PRPF19: variants seen among roughly 807,000 people sequenced by gnomAD.
PRPF19 encodes pre-mRNA processing factor 19, also known as pre-mRNA-processing factor 19.
In PRPF19, 2 loss-of-function variants were observed where a neutral mutation model predicts 64.2. The observed-to-expected ratio is 0.03, with a 90% CI of 0.01 to 0.10. PRPF19 has a LOEUF of 0.10. Among genes scored for constraint, PRPF19 ranks in the 10% least tolerant of loss-of-function variants. The pLI, the probability that PRPF19 is intolerant of heterozygous loss-of-function variation, is 1.00. For synonymous variants in PRPF19, 226 were observed against 251.6 expected (o/e 0.90, Z 0.96); for missense variants, 314 against 650.0 (o/e 0.48, Z 5.62).
At position 60,898,126 on chromosome 11, in the gene PRPF19, G is replaced by C; in HGVS notation, c.1286C>G (p.Thr429Ser). ...CTCAAAGTTGTTATCCAGCTGCAAA[G>C]TCTTAAAGTTCTTAAGCTTGCGCAG... ...WDLRKLKNFK[T>S]LQLDNNFEVK... The change falls in exon 14 of 16, where the codon ACT becomes AGT. Residue 429 changes from threonine to serine, a missense_variant. Thr to Ser is a moderately conservative substitution (Grantham distance 58). Coordinates refer to ENST00000227524, the MANE Select transcript of PRPF19 (RefSeq NM_014502.5). The surrounding 1 kb of genome is among the most constrained non-coding windows in gnomAD (Gnocchi z 4.6). 2 of 1,614,200 alleles carry C rather than the reference G, an allele frequency of 1.2e-6. No individual in the cohort carries two copies. The highest frequency in any genetic ancestry group is 1.7e-6 in the Non-Finnish European group (2 of 1,180,030).
intron 1 of PRPF19, 66 bp from the exon 2 acceptor site, chr11:60,903,927 C>T: frequency 6.4e-7 from 1 of 1,562,128 alleles, no homozygotes; most frequent in Non-Finnish European, 8.6e-7. Flanking sequence ...GATTCCTCAT[C>T]TGCTATTAGC....
intron 8 of PRPF19, 27 bp downstream of exon 8, chr11:60,901,268 C>T: frequency 6.2e-7 from 1 of 1,612,890 alleles, no homozygotes; most frequent in Non-Finnish European, 8.5e-7. Flanking sequence ...GGGCTGTCTC[C>T]AAGACAGTGG....
chr11:60,902,260 A>C lies in PRPF19; in HGVS notation c.525+143T>G. 7.7e-6 allele frequency: 7 copies of C among 914,824 alleles called. No individual in the cohort carries two copies. The highest frequency in any genetic ancestry group is 1.7e-5 in the African/African-American group (1 of 60,090). 56.7% of individuals were successfully genotyped at this position (914,824 alleles called of 1,614,324 possible). On this transcript the variant is annotated intron_variant, in intron 6 of 15. Coordinates refer to ENST00000227524, the MANE Select transcript of PRPF19 (RefSeq NM_014502.5). The surrounding 1 kb of genome is among the most constrained non-coding windows in gnomAD (Gnocchi z 5.0). ...TTACAAGTAGTGGCATCAAAATACAAACCCAGGCAATCTGGTCCCAGGGTC... is the reference window on the plus strand; with the variant it reads ...TTACAAGTAGTGGCATCAAAATACACACCCAGGCAATCTGGTCCCAGGGTC...
chr11:60,892,462 G>A (rs754858333), intron 15 of PRPF19, among the ~76,000 whole-genome samples: 5 of 152,118 alleles, frequency 3.3e-5, no homozygotes, highest in African/African-American at 4.8e-5. Context: ...GACGGTCCCC[G>A]ATTTACCATG....
At chr11:60,895,937 C>A (rs4939473) in intron 15 of PRPF19, among the ~76,000 whole-genome samples, 4 of 152,046 alleles carry the variant, frequency 2.6e-5, no homozygotes, top group South Asian at 2.1e-4. Context: ...TCATGGTGCC[C>A]CCCCGCCCAA....
rs764428172 is a variant in PRPF19 at position 60,900,672 on chromosome 11, G to A, written c.738C>T (p.Val246=). 1.4e-5 allele frequency: 22 copies of A among 1,559,294 alleles called. No homozygotes were observed. The African/African-American group carries it at 2.0e-4, about 14-fold the overall frequency. Residue 246 remains valine, a synonymous_variant, in exon 10 of 16, where the codon GTC becomes GTT. Coordinates refer to ENST00000227524, the MANE Select transcript of PRPF19 (RefSeq NM_014502.5). ...KILTGGADKN[V]VVFDKSSEQI... is the part of the protein sequence containing the mutation. Reference sequence around the variant, plus strand: ...GTTCAGAACTTTTGTCAAACACAACGACATTTTTATCCGCCCCACCTGGAG... The same window carrying A: ...GTTCAGAACTTTTGTCAAACACAACAACATTTTTATCCGCCCCACCTGGAG...
At chr11:60,897,255 T>C (rs1855932054) in intron 15 of PRPF19, among the ~76,000 whole-genome samples, 1 of 152,252 alleles carries the variant, frequency 6.6e-6, no homozygotes, top group Non-Finnish European at 1.5e-5. Context: ...GTTATAATTG[T>C]ATTCACTACA....
chr11:60,894,946 C>T (rs1335932603), intron 15 of PRPF19, among the ~76,000 whole-genome samples: 2 of 152,202 alleles, frequency 1.3e-5, no homozygotes, highest in African/African-American at 4.8e-5. Context: ...AAAAAATATT[C>T]AGTAAACCAT....
chr11:60,891,715 G>A (rs1174968263), intron 15 of PRPF19, among the ~76,000 whole-genome samples: 1 of 152,146 alleles, frequency 6.6e-6, no homozygotes, highest in Non-Finnish European at 1.5e-5. Context: ...TTCCTCATGG[G>A]ACTCCAGAAA....
chr11:60,891,271 G>A lies in PRPF19; in HGVS notation c.1418-8C>T. ...TGGTCAGGCCGCTATGCTCTGAGGA[G>A]AAAGATAAGAGGCAACTGTGAGAAG... On this transcript the variant is annotated splice_region_variant and splice_polypyrimidine_tract_variant and intron_variant, in intron 15 of 15. Coordinates refer to ENST00000227524, the MANE Select transcript of PRPF19 (RefSeq NM_014502.5). The A allele has an allele frequency of 6.2e-7, 1 of 1,608,634 alleles. No homozygotes were observed. Among genetic ancestry groups the A allele is most frequent in the Non-Finnish European group, 8.5e-7 (1 of 1,175,776 alleles).
chr11:60,891,223 G>T lies in PRPF19; in HGVS notation c.1458C>A (p.His486Gln), dbSNP rs751325779. 1.9e-6 allele frequency: 3 copies of T among 1,613,280 alleles called. No individual in the cohort carries two copies. The highest frequency in any genetic ancestry group is 2.2e-5 in the East Asian group (1 of 44,856). Residue 486 changes from histidine to glutamine, a missense_variant, in exon 16 of 16, where the codon CAC (histidine) becomes CAA (glutamine). By Grantham distance (24) the His-to-Gln change is conservative (BLOSUM62 0). Around this residue, in one of 7 missense-constraint regions of PRPF19, gnomAD observed 47 missense variants for 94.5 expected, o/e 0.50. Coordinates refer to ENST00000227524, the MANE Select transcript of PRPF19 (RefSeq NM_014502.5). Reference protein sequence around the residue: ...GLTTGVAFGHHAKFIASTGMD... With the variant: ...GLTTGVAFGHQAKFIASTGMD... ...TGCCTGTTGAAGCGATGAACTTGGC[G>T]TGATGCCCGAAGGCCACCCCTGTGG...
Position 60,899,601 on chromosome 11 carries a change from T to G in PRPF19, c.829-297A>C, listed in dbSNP as rs962693662. On this transcript the variant is annotated intron_variant, in intron 10 of 15. Transcript: ENST00000227524. ...CATTTCCAGGACCAAAGGAAAAATG[T>G]AGCTAGTACAATTGAGGGACTGAAT... 8.5e-5 allele frequency among the ~76,000 whole-genome samples: 13 copies of G among 152,200 alleles called. 1 individual carries two copies. The highest frequency in any genetic ancestry group is 4.1e-4 in the South Asian group (2 of 4,830).
At position 60,890,719 on chromosome 11, in the gene PRPF19, G is replaced by C; in HGVS notation, c.*447C>G. ...CTCCTGGTGCAGACAGACACGGGGA[G>C]GTGGTTATGGTTATTGTTTTCTTTT... On this transcript the variant is annotated 3_prime_UTR_variant, in exon 16 of 16. Coordinates refer to ENST00000227524, the MANE Select transcript of PRPF19 (RefSeq NM_014502.5). The C allele has an allele frequency of 2.2e-6, 1 of 456,130 alleles. No homozygotes were observed. Among genetic ancestry groups the C allele is most frequent in the South Asian group, 1.5e-5 (1 of 64,530 alleles). The allele number at this position is 456,130 out of a possible 1,614,324, so 28.3% of individuals were successfully genotyped here.
At chr11:60,893,877 C>T (rs1213143214) in intron 15 of PRPF19, among the ~76,000 whole-genome samples, 4 of 152,164 alleles carry the variant, frequency 2.6e-5, no homozygotes, top group African/African-American at 7.2e-5. Flanking sequence ...CAAGATCGTG[C>T]CACTGCACTC....
At position 60,903,809 on chromosome 11, in the gene PRPF19, A is replaced by G. The variant is rs748211873; in HGVS notation, c.72T>C (p.Val24=). 5.0e-6 allele frequency: 8 copies of G among 1,608,110 alleles called. No homozygotes were observed. The South Asian group carries it at 8.8e-5, about 18-fold the overall frequency. The change falls in exon 2 of 16, where the codon GTT becomes GTC. Residue 24 remains valine, a synonymous_variant. Coordinates refer to ENST00000227524, the MANE Select transcript of PRPF19 (RefSeq NM_014502.5). ...ACTTCTCGATGAGCCGCCGCTCATA[A>G]ACATGATTAGAGACAGGGGATACAC... ...HPCVSPVSNH[V]YERRLIEKYI...
intron 11 of PRPF19, 107 bp downstream of exon 11, chr11:60,899,042 C>T: frequency 6.6e-7 from 1 of 1,511,792 alleles, no homozygotes; most frequent in East Asian, 2.4e-5. Flanking sequence ...AAACATTCTC[C>T]TTTGAGGTTC....
chr11:60,891,966 C>T (rs1322458173), intron 15 of PRPF19, among the ~76,000 whole-genome samples: 1 of 152,184 alleles, frequency 6.6e-6, no homozygotes, highest in Non-Finnish European at 1.5e-5. Flanking sequence ...TTGTATCCTG[C>T]TCACAACCTG....
In PRPF19 at chr11:60,898,844, G is replaced by T; in HGVS notation, c.1054+18C>A. ...TAAACAGCAAACAAAAAAGCTGAGTGCCTATGAGGCAACTTACAGCAGCCG... is the reference window on the plus strand; with the variant it reads ...TAAACAGCAAACAAAAAAGCTGAGTTCCTATGAGGCAACTTACAGCAGCCG... On this transcript the variant is annotated intron_variant, in intron 12 of 15. Coordinates refer to ENST00000227524, the MANE Select transcript of PRPF19 (RefSeq NM_014502.5). This position sits in a 1 kb window ranked among gnomAD's most constrained non-coding sequence, Gnocchi z 4.6. The T allele has an allele frequency of 1.9e-6, 3 of 1,579,522 alleles. No homozygotes were observed. The highest frequency in any genetic ancestry group is 1.7e-6 in the Non-Finnish European group (2 of 1,161,140).
At position 60,903,378 on chromosome 11, in the gene PRPF19, A is replaced by C. The variant is rs867272300; in HGVS notation, c.246+81T>G. 2.6e-5 allele frequency: 36 copies of C among 1,403,968 alleles called. No homozygotes were observed. The Admixed American group carries it at 7.5e-4, about 29-fold the overall frequency. 87.0% of individuals were successfully genotyped at this position (1,403,968 alleles called of 1,614,324 possible). ...AAGTTTACCCTCTAAATAATGCTCC[A>C]TCCTTCCTACCCCCAAGTCCTAACC... On this transcript the variant is annotated intron_variant, in intron 3 of 15. Coordinates refer to ENST00000227524, the MANE Select transcript of PRPF19 (RefSeq NM_014502.5).
Sources: allele counts gnomAD v4.1 joint callset (sites outside exome capture counted in the v4.1 genomes callset), GRCh38; gene constraint gnomAD v4.1.1; regional missense constraint gnomAD v4.1.1; non-coding constraint Gnocchi (gnomAD v3.1); transcripts MANE v1.5; gene names NCBI Gene and HGNC (gene_info 2026-07-23, HGNC 2026-07-21).